The following ADARB2 variants were observed in gnomAD, a reference collection of about 807,000 sequenced individuals.
ADARB2 encodes inactive double-stranded RNA-specific editase B2.
Under a neutral mutation model 62.2 loss-of-function variants are expected in ADARB2, and 25 were observed. That is an observed-to-expected ratio of 0.40 (90% CI 0.29 to 0.56). ADARB2 has a LOEUF of 0.56. Ranked by LOEUF, ADARB2 falls within the 20% of genes least tolerant of loss-of-function variation. ADARB2 has a pLI of 0.43. For synonymous variants in ADARB2, 572 were observed against 500.8 expected (o/e 1.14, Z -1.90); for missense variants, 1,071 against 1,077.4 (o/e 0.99, Z 0.08).
At chr10:1,314,764 G>A (rs1008523895) in intron 3 of ADARB2, among the ~76,000 whole-genome samples, 2 of 152,158 alleles carry the variant, frequency 1.3e-5, no homozygotes, top group Non-Finnish European at 2.9e-5. Context: ...AGCAACAAAA[G>A]TGCTCCCGGA....
At chr10:1,470,605 C>T (rs958616511) in intron 1 of ADARB2, among the ~76,000 whole-genome samples, 1 of 152,206 alleles carries the variant, frequency 6.6e-6, no homozygotes, top group African/African-American at 2.4e-5. Context: ...TAATTTCAGT[C>T]TTTATTAACT....
chr10:1,268,815 G>A (rs1831231861), intron 4 of ADARB2, among the ~76,000 whole-genome samples: 1 of 152,164 alleles, frequency 6.6e-6, no homozygotes, highest in Non-Finnish European at 1.5e-5. Flanking sequence ...TTTTCATGTA[G>A]TAAATTTAAT....
At chr10:1,460,042 GTGTAGCA>G in intron 1 of ADARB2, among the ~76,000 whole-genome samples, 1 of 71,574 alleles carries the variant, frequency 1.4e-5, no homozygotes, top group Admixed American at 1.5e-4. Context: ...GAGTTTACCT[GTGTAGCA>G]AACCTGCCTG....
chr10:1,513,361 C>T (rs989483244), intron 1 of ADARB2, among the ~76,000 whole-genome samples: 1 of 152,224 alleles, frequency 6.6e-6, no homozygotes, highest in Admixed American at 6.5e-5. Flanking sequence ...GGATGACCGC[C>T]ACCATCAGGC....
intron 6 of ADARB2, among the ~76,000 whole-genome samples, chr10:1,219,964 TGATG>T (rs1199256417): frequency 7.1e-6 from 1 of 141,036 alleles, no homozygotes; most frequent in African/African-American, 2.7e-5. Flanking sequence ...ATGGTGGTGG[TGATG>T]GATGATGGTG....
chr10:1,193,580 C>T (rs554117660), intron 8 of ADARB2, among the ~76,000 whole-genome samples: 1 of 152,150 alleles, frequency 6.6e-6, no homozygotes, highest in African/African-American at 2.4e-5. Flanking sequence ...GTCGGCATTA[C>T]TCATTTGAGA....
At chr10:1,605,782 G>T (rs1393228380) in intron 1 of ADARB2, among the ~76,000 whole-genome samples, 1 of 152,156 alleles carries the variant, frequency 6.6e-6, no homozygotes, top group Non-Finnish European at 1.5e-5. Context: ...ATGCAAAAGG[G>T]CTTCAACGTA....
chr10:1,604,165 G>A (rs999895293), intron 1 of ADARB2, among the ~76,000 whole-genome samples: 2 of 152,018 alleles, frequency 1.3e-5, no homozygotes, highest in African/African-American at 4.8e-5. Context: ...CATTTACTAT[G>A]AATTTTTCAG....
chr10:1,447,277 G>A (rs1401700583), intron 1 of ADARB2, among the ~76,000 whole-genome samples: 2 of 152,130 alleles, frequency 1.3e-5, no homozygotes, highest in Non-Finnish European at 2.9e-5. Context: ...AGATTATCCT[G>A]GAAAAATTAT....
chr10:1,643,489 G>A (rs555545179), intron 1 of ADARB2, among the ~76,000 whole-genome samples: 2 of 152,210 alleles, frequency 1.3e-5, no homozygotes, highest in Admixed American at 1.3e-4. Flanking sequence ...ATGGTGGGGG[G>A]CTAGGGTTAC....
intron 3 of ADARB2, among the ~76,000 whole-genome samples, chr10:1,307,151 C>T (rs1474144530): frequency 1.9e-5 from 2 of 106,128 alleles, no homozygotes; most frequent in Admixed American, 1.1e-4. Context: ...AGGCAACCTA[C>T]AAAATGGGAG....
chr10:1,265,630 G>A (rs572791140), intron 4 of ADARB2, among the ~76,000 whole-genome samples: 21 of 111,334 alleles, frequency 1.9e-4, no homozygotes, highest in Non-Finnish European at 3.2e-4. Flanking sequence ...AGGCTCTCCC[G>A]GAAGACGGCC....
chr10:1,310,359 C>G (rs1271958294), intron 3 of ADARB2, among the ~76,000 whole-genome samples: 2 of 150,084 alleles, frequency 1.3e-5, no homozygotes, highest in African/African-American at 5.1e-5. Flanking sequence ...ATGTTGGAAT[C>G]AATGAGAAAA....
intron 3 of ADARB2, among the ~76,000 whole-genome samples, chr10:1,296,108 G>A (rs563197593): frequency 6.2e-4 from 94 of 152,342 alleles, no homozygotes; most frequent in African/African-American, 1.9e-3. Context: ...GCTGGCAGAT[G>A]TGCCAGGGTC....
At chr10:1,446,228 G>A (rs1830967032) in intron 1 of ADARB2, among the ~76,000 whole-genome samples, 1 of 152,188 alleles carries the variant, frequency 6.6e-6, no homozygotes, top group Non-Finnish European at 1.5e-5. Flanking sequence ...TCCATTTCTG[G>A]AATGGAAATA....
At chr10:1,462,825 T>C (rs1043884667) in intron 1 of ADARB2, among the ~76,000 whole-genome samples, 11 of 152,142 alleles carry the variant, frequency 7.2e-5, no homozygotes, top group Non-Finnish European at 1.0e-4. Flanking sequence ...CTGTGTGTAG[T>C]GTGCATGTGT....
chr10:1,311,975 G>A lies in ADARB2; in HGVS notation c.1078-40906C>T, dbSNP rs573731394. On this transcript the variant is annotated intron_variant, in intron 3 of 9. Transcript: ENST00000381312. ...GCAGCCTAATCCTCCTGGTACCTGC[G>A]GACTCAGGATGGAATCTTTAATTAC... Among the ~76,000 whole-genome samples, 42 of 152,292 alleles carry A rather than the reference G, an allele frequency of 2.8e-4. 1 individual carries two copies. In the South Asian group the frequency reaches 4.6e-3, roughly 17 times the overall value.
At chr10:1,506,019 T>C (rs1831842620) in intron 1 of ADARB2, among the ~76,000 whole-genome samples, 2 of 152,194 alleles carry the variant, frequency 1.3e-5, no homozygotes, top group Admixed American at 6.5e-5. Context: ...AATCTGATCA[T>C]CTATGATCTG....
intron 1 of ADARB2, among the ~76,000 whole-genome samples, chr10:1,498,074 C>T (rs1588278220): frequency 1.3e-5 from 2 of 151,972 alleles, no homozygotes; most frequent in Admixed American, 6.6e-5. Flanking sequence ...TCAGTAGATG[C>T]CTTGGAAAAC....
Sources: allele counts gnomAD v4.1 joint callset (sites outside exome capture counted in the v4.1 genomes callset), GRCh38; gene constraint gnomAD v4.1.1; transcripts MANE v1.5; gene names NCBI Gene and HGNC (gene_info 2026-07-23, HGNC 2026-07-21).